GRM7: variants seen among roughly 807,000 people sequenced by gnomAD.
GRM7 encodes the protein glutamate metabotropic receptor 7.
Under a neutral mutation model 84.5 loss-of-function variants are expected in GRM7, and 35 were observed. The observed-to-expected ratio is 0.41, with a 90% CI of 0.32 to 0.55. The LOEUF (loss-of-function observed/expected upper bound fraction) is 0.55. GRM7 is among the 20% of genes least tolerant of loss of function. The pLI is 0.19. For missense variants in GRM7, 1,003 were observed against 1,194.6 expected, an observed-to-expected ratio of 0.84 and a Z score of 2.36; for synonymous variants, 487 against 455.1, an observed-to-expected ratio of 1.07 and a Z score of -0.89.
chr3:7,522,112 G>A (rs1393881192), intron 7 of GRM7, among the ~76,000 whole-genome samples: 3 of 152,104 alleles, frequency 2.0e-5, no homozygotes, highest in Non-Finnish European at 4.4e-5. Context: ...TTAGACCGTA[G>A]CCTCTGAAAT....
At chr3:7,726,824 A>G (rs1414964892) in intron 9 of GRM7, among the ~76,000 whole-genome samples, 2 of 150,970 alleles carry the variant, frequency 1.3e-5, no homozygotes, top group African/African-American at 4.9e-5. Flanking sequence ...ATTATTTACT[A>G]TAAAGTCAAG....
At chr3:7,720,742 A>C (rs1701918299) in intron 9 of GRM7, among the ~76,000 whole-genome samples, 1 of 152,352 alleles carries the variant, frequency 6.6e-6, no homozygotes, top group South Asian at 2.1e-4. Flanking sequence ...TGTTGTCCAT[A>C]ACTTTTTGGT....
intron 6 of GRM7, among the ~76,000 whole-genome samples, chr3:7,458,110 T>C (rs532917447): frequency 2.0e-5 from 3 of 152,310 alleles, no homozygotes; most frequent in African/African-American, 7.2e-5. Flanking sequence ...TGCAGAAGAC[T>C]GGTTTATTAT....
chr3:6,970,447 A>T (rs1288139902), intron 1 of GRM7, among the ~76,000 whole-genome samples: 3 of 152,250 alleles, frequency 2.0e-5, no homozygotes. Context: ...AAATAATTTT[A>T]AAAAGTTAAA....
Position 7,307,755 on chromosome 3 carries a change from G to A in GRM7, c.1033+1103G>A, listed in dbSNP as rs559835577. On this transcript the variant is annotated intron_variant, in intron 4 of 9. Transcript: ENST00000357716. ...TTGCAGATGGGTTGCAAGAATAAAG[G>A]ACGATATTTTAACCTTCTCCATTCC... is the stretch of plus-strand genomic sequence containing the variant. 3.0e-4 allele frequency among the ~76,000 whole-genome samples: 45 copies of A among 152,320 alleles called. No individual in the cohort carries two copies. The South Asian group carries it at 8.9e-3, about 30-fold the overall frequency.
In GRM7 at chr3:7,326,862, T is replaced by C. The variant is rs566222084; in HGVS notation, c.1033+20210T>C. 3.9e-5 allele frequency among the ~76,000 whole-genome samples: 6 copies of C among 152,056 alleles called. No homozygotes were observed. In the South Asian group the frequency reaches 1.2e-3, roughly 32 times the overall value. On this transcript the variant is annotated intron_variant, in intron 4 of 9. Transcript: ENST00000357716. ...AAAAAAAAAAAAAGTTTATCCCAATTATTTTGCCCACAATCTATCCTCACC... is the reference window on the plus strand; with the variant it reads ...AAAAAAAAAAAAAGTTTATCCCAATCATTTTGCCCACAATCTATCCTCACC...
intron 4 of GRM7, among the ~76,000 whole-genome samples, chr3:7,358,001 G>C (rs1298048085): frequency 6.6e-6 from 1 of 152,008 alleles, no homozygotes; most frequent in Non-Finnish European, 1.5e-5. Context: ...TTATGACCTT[G>C]AATATAGAGC....
intron 4 of GRM7, among the ~76,000 whole-genome samples, chr3:7,385,636 C>T (rs1038252810): frequency 6.6e-6 from 1 of 152,186 alleles, no homozygotes; most frequent in Non-Finnish European, 1.5e-5. Context: ...AGTATCAAAG[C>T]AATAGATTTA....
At chr3:7,340,196 G>A (rs1701584431) in intron 4 of GRM7, among the ~76,000 whole-genome samples, 2 of 152,080 alleles carry the variant, frequency 1.3e-5, no homozygotes, top group Admixed American at 6.6e-5. Flanking sequence ...TATGGTGTCC[G>A]GGGTCAGTGT....
chr3:7,343,419 G>C lies in GRM7; in HGVS notation c.1033+36767G>C, dbSNP rs1339097285. On this transcript the variant is annotated intron_variant, in intron 4 of 9. Transcript: ENST00000357716. ...TGTGGAGACGGGGTCTCACTATGTT[G>C]CCCAGGCTGGTATCAAACTCCTGAG... Among the ~76,000 whole-genome samples the C allele has an allele frequency of 3.9e-5, 6 of 152,092 alleles. No homozygotes were observed. In the South Asian group the frequency reaches 1.2e-3, roughly 32 times the overall value.
At chr3:7,371,573 T>C (rs1694135810) in intron 4 of GRM7, among the ~76,000 whole-genome samples, 1 of 152,200 alleles carries the variant, frequency 6.6e-6, no homozygotes, top group African/African-American at 2.4e-5. Context: ...GGGCCAATAC[T>C]GAGTGCTTTC....
At chr3:7,644,513 C>G (rs183214387) in intron 8 of GRM7, among the ~76,000 whole-genome samples, 6 of 152,194 alleles carry the variant, frequency 3.9e-5, no homozygotes, top group Middle Eastern at 3.4e-3. Context: ...TTAAATAATT[C>G]AATTCCCTCT....
At chr3:7,086,515 G>GA (rs999144984) in intron 1 of GRM7, among the ~76,000 whole-genome samples, 1 of 152,012 alleles carries the variant, frequency 6.6e-6, no homozygotes, top group Non-Finnish European at 1.5e-5. Flanking sequence ...GTATGAAAAA[G>GA]AAAAAATATT....
At chr3:7,313,125 C>G (rs1178434172) in intron 4 of GRM7, among the ~76,000 whole-genome samples, 2 of 151,814 alleles carry the variant, frequency 1.3e-5, no homozygotes, top group Admixed American at 6.6e-5. Context: ...GATGGGGTTT[C>G]ACCATGTTGG....
At chr3:6,940,675 G>A (rs1369691181) in intron 1 of GRM7, among the ~76,000 whole-genome samples, 1 of 151,618 alleles carries the variant, frequency 6.6e-6, no homozygotes, top group African/African-American at 2.4e-5. Context: ...TTCAATCCAA[G>A]TTTGTTTTTA....
chr3:7,033,512 A>C (rs950699095), intron 1 of GRM7, among the ~76,000 whole-genome samples: 12 of 152,222 alleles, frequency 7.9e-5, no homozygotes, highest in African/African-American at 2.7e-4. Context: ...ACTTCTTCTC[A>C]TGCTCAACAT....
intron 5 of GRM7, among the ~76,000 whole-genome samples, chr3:7,420,731 G>T (rs1696358911): frequency 6.6e-6 from 1 of 152,028 alleles, no homozygotes. Context: ...AAATTATTAA[G>T]AATCTTTGCT....
intron 3 of GRM7, among the ~76,000 whole-genome samples, chr3:7,306,216 T>C (rs1700189640): frequency 6.6e-6 from 1 of 152,196 alleles, no homozygotes; most frequent in African/African-American, 2.4e-5. Context: ...TTCCATCCTT[T>C]CTAACATATG....
chr3:7,523,870 G>A (rs144804516), intron 7 of GRM7, among the ~76,000 whole-genome samples: 1 of 151,998 alleles, frequency 6.6e-6, no homozygotes, highest in East Asian at 1.9e-4. Context: ...AAAAATAGAG[G>A]ACTTTATAAA....
Sources: allele counts gnomAD v4.1 joint callset (sites outside exome capture counted in the v4.1 genomes callset), GRCh38; gene constraint gnomAD v4.1.1; transcripts MANE v1.5; gene names NCBI Gene and HGNC (gene_info 2026-07-23, HGNC 2026-07-21).